Variants in ADGRL3 observed in about 807,000 individuals in gnomAD.
The protein encoded by ADGRL3 is adhesion G protein-coupled receptor L3.
Under a neutral mutation model 153.5 loss-of-function variants are expected in ADGRL3, and 62 were observed. That is an observed-to-expected ratio of 0.40 (90% CI 0.33 to 0.50). The LOEUF is 0.50. ADGRL3 is among the 20% of genes least tolerant of loss of function. ADGRL3 has a pLI of 0.47. For missense variants in ADGRL3, 1,641 were observed against 1,859.4 expected, an observed-to-expected ratio of 0.88 and a Z score of 2.16; for synonymous variants, 710 against 672.5, an observed-to-expected ratio of 1.06 and a Z score of -0.86.
intron 6 of ADGRL3, 124 bp downstream of exon 6, chr4:61,677,059 T>G: frequency 1.4e-6 from 1 of 701,870 alleles, no homozygotes; most frequent in Non-Finnish European, 2.5e-6. Context: ...TTGGCTAATA[T>G]TAATTTTTGA....
Position 61,895,817 on chromosome 4 carries a change from A to G in ADGRL3, c.1870A>G (p.Asn624Asp), listed in dbSNP as rs1453572408. The G allele has an allele frequency of 1.3e-6, 2 of 1,588,368 alleles. No individual in the cohort carries two copies. Among genetic ancestry groups the G allele is most frequent in the Non-Finnish European group, 1.7e-6 (2 of 1,165,190 alleles). The change falls in exon 11 of 27, where the codon AAT (asparagine) becomes GAT (aspartate). Residue 624 changes from asparagine (N) to aspartate (D), a missense_variant. Asn to Asp is a conservative substitution (Grantham distance 23). This residue lies in a region of ADGRL3 where 734 missense variants were observed against 797.0 expected (regional missense o/e 0.92). Coordinates refer to ENST00000683033, the MANE Select transcript of ADGRL3 (RefSeq NM_001387552.1). ...DLSNCSSPWV[N>D]HITQKLKSGE... ...CAGCAACTGTTCTTCTCCTTGGGTC[A>G]ATCATATAACACAGAAGGTAAATCT...
At chr4:61,525,519 G>C (rs955441403) in intron 4 of ADGRL3, among the ~76,000 whole-genome samples, 1 of 152,090 alleles carries the variant, frequency 6.6e-6, no homozygotes, top group African/African-American at 2.4e-5. Flanking sequence ...GGATTCTTTG[G>C]AAGCTTCTAA....
chr4:61,608,392 A>C (rs2099040873), intron 5 of ADGRL3, among the ~76,000 whole-genome samples: 1 of 152,242 alleles, frequency 6.6e-6, no homozygotes, highest in Non-Finnish European at 1.5e-5. Context: ...ATACAGAAAA[A>C]CAAAAACCCT....
chr4:61,984,009 G>A (rs1248967979), intron 19 of ADGRL3, among the ~76,000 whole-genome samples: 1 of 152,110 alleles, frequency 6.6e-6, no homozygotes, highest in Non-Finnish European at 1.5e-5. Context: ...AGCCTTTTAT[G>A]TCATCAACAG....
At chr4:61,328,552 A>G (rs2095509166) in intron 1 of ADGRL3, among the ~76,000 whole-genome samples, 1 of 152,166 alleles carries the variant, frequency 6.6e-6, no homozygotes, top group African/African-American at 2.4e-5. Context: ...ACTCCTATCT[A>G]TTACAAGAGA....
intron 15 of ADGRL3, among the ~76,000 whole-genome samples, chr4:61,937,529 A>G (rs551755434): frequency 4.0e-5 from 6 of 151,452 alleles, no homozygotes; most frequent in Admixed American, 3.3e-4. Flanking sequence ...AGTCTTCCCT[A>G]TCTCCTCTAA....
intron 21 of ADGRL3, among the ~76,000 whole-genome samples, chr4:62,023,767 C>A (rs776169686): frequency 1.3e-5 from 2 of 152,050 alleles, no homozygotes; most frequent in African/African-American, 2.4e-5. Flanking sequence ...TACTCTATTG[C>A]GTGCTTAATA....
chr4:61,509,623 C>CAT (rs1553949664), intron 3 of ADGRL3, among the ~76,000 whole-genome samples: 30 of 150,710 alleles, frequency 2.0e-4, no homozygotes, highest in African/African-American at 5.6e-4. Context: ...TGTGTGTGTG[C>CAT]GTGTGTATAT....
rs532635054 is a variant in ADGRL3 at position 61,585,806 on chromosome 4, G to A, written c.260-1421G>A. ...AAACTGTTAAACTTGACAGGAAAAG[G>A]CAGACCTTTCCTGTATAAAAATTAA... On this transcript the variant is annotated intron_variant, in intron 4 of 26. Coordinates refer to ENST00000683033, the MANE Select transcript of ADGRL3 (RefSeq NM_001387552.1). Among the ~76,000 whole-genome samples, 5 of 152,052 alleles carry A rather than the reference G, an allele frequency of 3.3e-5. No homozygotes were observed. In the East Asian group the frequency reaches 7.7e-4, roughly 24 times the overall value.
chr4:62,070,969 G>A lies in ADGRL3; in HGVS notation c.*61G>A, dbSNP rs1170701602. 7.5e-7 allele frequency: 1 copy of A among 1,337,080 alleles called. No individual in the cohort carries two copies. Among genetic ancestry groups the A allele is most frequent in the Non-Finnish European group, 1.0e-6 (1 of 983,102 alleles). 82.8% of individuals were successfully genotyped at this position (1,337,080 alleles called of 1,614,324 possible). The stretch of plus-strand genomic sequence containing the variant: ...AACACCTTGTTGACTGTTCTGAGTT[G>A]ATATAAGCAGTGGTAATAATGTGTG... On this transcript the variant is annotated 3_prime_UTR_variant, in exon 27 of 27. Coordinates refer to ENST00000683033, the MANE Select transcript of ADGRL3 (RefSeq NM_001387552.1).
At chr4:61,918,729 A>G (rs1203181252) in intron 13 of ADGRL3, among the ~76,000 whole-genome samples, 1 of 152,224 alleles carries the variant, frequency 6.6e-6, no homozygotes, top group Non-Finnish European at 1.5e-5. Context: ...TTTCAAAGAT[A>G]AAAGTAATGT....
chr4:61,907,354 G>A (rs1036641456), intron 11 of ADGRL3, among the ~76,000 whole-genome samples: 3 of 152,030 alleles, frequency 2.0e-5, no homozygotes, highest in Non-Finnish European at 4.4e-5. Flanking sequence ...CACCTCCTGG[G>A]TTCAAGCAAT....
At chr4:61,261,168 T>G (rs558951437) in intron 1 of ADGRL3, among the ~76,000 whole-genome samples, 3 of 150,058 alleles carry the variant, frequency 2.0e-5, no homozygotes, top group South Asian at 4.2e-4. Flanking sequence ...CCAGCTATTT[T>G]TTGTTCTTTT....
rs755638187 is a variant in ADGRL3 at position 62,070,264 on chromosome 4, G to A, written c.3988G>A (p.Glu1330Lys). The A allele has an allele frequency of 6.2e-7, 1 of 1,604,488 alleles. No individual in the cohort carries two copies. The highest frequency in any genetic ancestry group is 8.5e-7 in the Non-Finnish European group (1 of 1,174,556). The change falls in exon 27 of 27, where the codon GAG (glutamate) becomes AAG (lysine). Residue 1330 changes from glutamate to lysine, a missense_variant. This residue lies in a region of ADGRL3 where 517 missense variants were observed against 555.0 expected (regional missense o/e 0.93). Transcript: ENST00000683033. ...RGYNHNETAL[E>K]KKILKELTSN... ...CTATAACCATAACGAGACCGCCCTA[G>A]AGAAAAAGATTCTGAAGGAACTCAC...
intron 4 of ADGRL3, among the ~76,000 whole-genome samples, chr4:61,585,138 T>C (rs2098941186): frequency 6.6e-6 from 1 of 151,998 alleles, no homozygotes; most frequent in Non-Finnish European, 1.5e-5. Context: ...TGGGTGTGTG[T>C]GTATGTGTGT....
intron 18 of ADGRL3, among the ~76,000 whole-genome samples, chr4:61,980,757 G>C (rs2099065479): frequency 1.3e-5 from 2 of 151,966 alleles, no homozygotes; most frequent in African/African-American, 4.8e-5. Context: ...TCTCTTAAAT[G>C]GTCATATATA....
At chr4:61,801,615 A>G (rs1007431668) in intron 8 of ADGRL3, among the ~76,000 whole-genome samples, 1 of 152,118 alleles carries the variant, frequency 6.6e-6, no homozygotes, top group Non-Finnish European at 1.5e-5. Flanking sequence ...AAATACAAAA[A>G]GAAAAAAAAT....
rs11939132 is a variant in ADGRL3, at chr4:61,617,993, C to T, written c.473+30553C>T. Among the ~76,000 whole-genome samples the T allele has an allele frequency of 1.4e-3, 218 of 152,242 alleles. 1 individual carries two copies. The highest frequency in any genetic ancestry group is 5.1e-3 in the African/African-American group (213 of 41,546). On this transcript the variant is annotated intron_variant, in intron 5 of 26. Transcript: ENST00000683033. Reference sequence around the variant, plus strand: ...TTTAATACTGGACTGAGTATTAGGGCTTCAATGACAGTAACACATTTGAGA... The same window carrying T: ...TTTAATACTGGACTGAGTATTAGGGTTTCAATGACAGTAACACATTTGAGA...
intron 1 of ADGRL3, among the ~76,000 whole-genome samples, chr4:61,345,298 A>AT (rs544939414): frequency 2.2e-4 from 34 of 152,226 alleles, no homozygotes; most frequent in African/African-American, 8.2e-4. Context: ...AGCTCTAATG[A>AT]TTAAATGATT....
Sources: allele counts gnomAD v4.1 joint callset (sites outside exome capture counted in the v4.1 genomes callset), GRCh38; gene constraint gnomAD v4.1.1; regional missense constraint gnomAD v4.1.1; transcripts MANE v1.5; gene names NCBI Gene and HGNC (gene_info 2026-07-23, HGNC 2026-07-21).